CDK6: variants seen among roughly 807,000 people sequenced by gnomAD.
The protein encoded by CDK6 is cyclin-dependent kinase 6.
CDK6 carries 6 observed loss-of-function variants against 37.1 expected under a neutral mutation model. The ratio of observed to expected loss-of-function variants is 0.16; its 90% CI spans 0.09 to 0.32. The LOEUF is 0.32. Ranked by LOEUF, CDK6 falls within the 10% of genes least tolerant of loss-of-function variation. CDK6 has a pLI of 1.00. For missense variants in CDK6, 224 were observed against 418.9 expected (o/e 0.53, Z 4.06); for synonymous variants, 160 against 161.3 (o/e 0.99, Z 0.06).
rs1209497923 is a variant in CDK6, at chr7:92,812,898, A to G, written c.233+20193T>C. Reference sequence around the variant, plus strand: ...TTGATGCCAATTCACAATCACCAGAATTTATTTTTAATTGTCATACTAATT... The same window carrying G: ...TTGATGCCAATTCACAATCACCAGAGTTTATTTTTAATTGTCATACTAATT... On this transcript the variant is annotated intron_variant, in intron 2 of 7. Coordinates refer to ENST00000424848, the MANE Select transcript of CDK6 (RefSeq NM_001145306.2). Among the ~76,000 whole-genome samples the G allele has an allele frequency of 2.6e-5, 4 of 152,192 alleles. No homozygotes were observed. The East Asian group carries it at 7.7e-4, about 29-fold the overall frequency.
At chr7:92,671,780 G>A (rs1451327005) in intron 4 of CDK6, among the ~76,000 whole-genome samples, 1 of 152,026 alleles carries the variant, frequency 6.6e-6, no homozygotes, top group Non-Finnish European at 1.5e-5. Context: ...ATAATAACAT[G>A]AGTTTCAGAA....
rs139976107 is a variant in CDK6, at chr7:92,680,634, T to A, written c.538-9099A>T. On this transcript the variant is annotated intron_variant, in intron 4 of 7. Coordinates refer to ENST00000424848, the MANE Select transcript of CDK6 (RefSeq NM_001145306.2). ...CCAATAACTTTGTCCTCACCTCTGC[T>A]CTGATGCATCCATTACCAGCAGAAG... 1.1e-4 allele frequency among the ~76,000 whole-genome samples: 17 copies of A among 152,194 alleles called. No individual in the cohort carries two copies. In the East Asian group the frequency reaches 2.9e-3, roughly 26 times the overall value.
intron 4 of CDK6, among the ~76,000 whole-genome samples, chr7:92,717,398 AAAGG>A (rs571523966): frequency 9.9e-4 from 147 of 147,818 alleles, no homozygotes; most frequent in South Asian, 2.3e-3. Flanking sequence ...AGGAAAGGAA[AAAGG>A]AAGGAAGGAA....
chr7:92,615,512 C>T (rs2116478535), intron 7 of CDK6, among the ~76,000 whole-genome samples: 1 of 152,272 alleles, frequency 6.6e-6, no homozygotes, highest in South Asian at 2.1e-4. Context: ...TGGACTGTTT[C>T]CTGCCCAGGA....
rs1275697143 is a variant in CDK6, at chr7:92,834,977, T to C, written c.-367-1287A>G. 3 of 152,254 alleles carry C rather than the reference T, an allele frequency of 2.0e-5. No individual in the cohort carries two copies. Among genetic ancestry groups the C allele is most frequent in the Non-Finnish European group, 4.4e-5 (3 of 68,088 alleles). The allele number at this position is 152,254 out of a possible 1,614,324, so 9.4% of individuals were successfully genotyped here. A position where few individuals can be genotyped will look rare whatever the true frequency, so the allele number is the denominator to read the frequency against. ...AGGGCCGCCGCGGCCTCGGCAGGAC[T>C]TTCACCACGACGGCCGCATGTCCGG... On this transcript the variant is annotated intron_variant, in intron 1 of 7. Transcript: ENST00000424848. The surrounding 1 kb of genome is among the most constrained non-coding windows in gnomAD (Gnocchi z 4.6).
chr7:92,834,421 G>A lies in CDK6; in HGVS notation c.-367-731C>T, dbSNP rs1285024270. 1.3e-5 allele frequency among the ~76,000 whole-genome samples: 2 copies of A among 151,738 alleles called. No individual in the cohort carries two copies. Among genetic ancestry groups the A allele is most frequent in the African/African-American group, 4.8e-5 (2 of 41,306 alleles). ...TCTCTCCGGCTGGGAGGACCTCCCTGGTGGAAACCTTGGGAAGACCAGCCA... is the reference window on the plus strand; with the variant it reads ...TCTCTCCGGCTGGGAGGACCTCCCTAGTGGAAACCTTGGGAAGACCAGCCA... On this transcript the variant is annotated intron_variant, in intron 1 of 7. Transcript: ENST00000424848. The surrounding 1 kb of genome is among the most constrained non-coding windows in gnomAD (Gnocchi z 4.6).
At chr7:92,737,772 G>A (rs898955908) in intron 3 of CDK6, among the ~76,000 whole-genome samples, 13 of 152,138 alleles carry the variant, frequency 8.5e-5, no homozygotes, top group African/African-American at 3.1e-4. Flanking sequence ...ACAGAGAGGG[G>A]GAGAGGAGCA....
At chr7:92,798,708 G>C (rs1229816247) in intron 2 of CDK6, among the ~76,000 whole-genome samples, 1 of 152,112 alleles carries the variant, frequency 6.6e-6, no homozygotes, top group Admixed American at 6.6e-5. Context: ...GTCCCTCTTA[G>C]GACAGCCAAT....
chr7:92,716,184 G>A (rs1220282199), intron 4 of CDK6, among the ~76,000 whole-genome samples: 1 of 152,200 alleles, frequency 6.6e-6, no homozygotes, highest in Non-Finnish European at 1.5e-5. Flanking sequence ...GCAGCAACAT[G>A]GAGAATGCAG....
chr7:92,680,324 C>G (rs1278763550), intron 4 of CDK6, among the ~76,000 whole-genome samples: 2 of 147,666 alleles, frequency 1.4e-5, no homozygotes, highest in Non-Finnish European at 3.0e-5. Flanking sequence ...CCCAGCTATT[C>G]AGGAGGCTGA....
intron 5 of CDK6, among the ~76,000 whole-genome samples, chr7:92,657,461 A>T (rs1306907465): frequency 3.3e-5 from 5 of 152,228 alleles, no homozygotes; most frequent in Admixed American, 2.6e-4. Flanking sequence ...ATTATTCTTC[A>T]AGCCTAGGCA....
chr7:92,765,517 C>G (rs1452645039), intron 3 of CDK6, among the ~76,000 whole-genome samples: 1 of 152,064 alleles, frequency 6.6e-6, no homozygotes, highest in African/African-American at 2.4e-5. Flanking sequence ...ATACCTTCAG[C>G]TTATTTTTCT....
intron 3 of CDK6, among the ~76,000 whole-genome samples, chr7:92,753,309 T>C (rs1181210201): frequency 6.6e-6 from 1 of 152,220 alleles, no homozygotes; most frequent in African/African-American, 2.4e-5. Context: ...TAATTAGTGA[T>C]TGAGCCCATA....
chr7:92,818,935 A>G (rs1801101932), intron 2 of CDK6, among the ~76,000 whole-genome samples: 1 of 152,088 alleles, frequency 6.6e-6, no homozygotes. Flanking sequence ...AGTGTTCAGG[A>G]GGGTGCAAAT....
intron 3 of CDK6, among the ~76,000 whole-genome samples, chr7:92,742,797 G>A (rs974762819): frequency 1.3e-5 from 2 of 151,768 alleles, no homozygotes; most frequent in African/African-American, 4.8e-5. Context: ...AATGCATGCT[G>A]GAAATTGAAA....
At chr7:92,637,998 AC>A (rs1183943297) in intron 5 of CDK6, among the ~76,000 whole-genome samples, 5 of 152,248 alleles carry the variant, frequency 3.3e-5, no homozygotes, top group African/African-American at 1.2e-4. Flanking sequence ...TTAACGTATT[AC>A]AAATAACATG....
intron 4 of CDK6, among the ~76,000 whole-genome samples, chr7:92,706,257 A>G (rs1453234395): frequency 6.6e-6 from 1 of 152,226 alleles, no homozygotes; most frequent in East Asian, 1.9e-4. Flanking sequence ...CATTTTGGCC[A>G]GCGTGGTGGC....
chr7:92,774,813 T>C lies in CDK6; in HGVS notation c.252A>G (p.Thr84=), dbSNP rs772860127. The part of the protein sequence containing the change: ...PNVVRLFDVC[T]VSRTDRETKL... ...TGGTTTCTCTGTCTGTTCGTGACACTGTGCACACATCAAACAACCTAGAAG... is the reference window on the plus strand; with the variant it reads ...TGGTTTCTCTGTCTGTTCGTGACACCGTGCACACATCAAACAACCTAGAAG... The change falls in exon 3 of 8, where the codon ACA becomes ACG. Residue 84 remains threonine (T), a synonymous_variant. Coordinates refer to ENST00000424848, the MANE Select transcript of CDK6 (RefSeq NM_001145306.2). 12 of 1,609,670 alleles carry C rather than the reference T, an allele frequency of 7.5e-6. No homozygotes were observed. The highest frequency in any genetic ancestry group is 1.3e-5 in the African/African-American group (1 of 74,636).
At chr7:92,760,515 C>T (rs1185161392) in intron 3 of CDK6, among the ~76,000 whole-genome samples, 1 of 152,026 alleles carries the variant, frequency 6.6e-6, no homozygotes, top group African/African-American at 2.4e-5. Context: ...AGAGGGCATT[C>T]CCCAATAAGA....
Sources: gnomAD v4.1 joint callset for allele counts (sites outside exome capture counted in the v4.1 genomes callset) on GRCh38, gnomAD v4.1.1 for gene constraint, Gnocchi (gnomAD v3.1) non-coding constraint, MANE v1.5 for transcripts, NCBI Gene and HGNC (gene_info 2026-07-23, HGNC 2026-07-21) for gene names.